The following ITGB3 variants were observed in gnomAD, a reference collection of about 807,000 sequenced individuals.
ITGB3 encodes integrin subunit beta 3, also known as integrin beta-3.
ITGB3 carries 48 observed loss-of-function variants against 85.8 expected under a neutral mutation model. That is an observed-to-expected ratio of 0.56 (90% confidence interval 0.44 to 0.71). The LOEUF (loss-of-function observed/expected upper bound fraction) is 0.71, where lower values mean the gene tolerates loss of function less well. Among genes scored for constraint, ITGB3 ranks in the 30% least tolerant of loss-of-function variants. The pLI, the probability that ITGB3 is intolerant of heterozygous loss-of-function variation, is 0.00. For synonymous variants in ITGB3, 363 were observed against 395.6 expected, an observed-to-expected ratio of 0.92 and a Z score of 0.98; for missense variants, 861 against 1,019.1, an observed-to-expected ratio of 0.84 and a Z score of 2.11.
intron 12 of ITGB3, 123 bp from the exon 13 acceptor site, chr17:47,302,598 T>A: frequency 8.6e-7 from 1 of 1,166,240 alleles, no homozygotes; most frequent in Non-Finnish European, 1.3e-6. Flanking sequence ...CTAGGCATCG[T>A]GCACATGAGG....
intron 14 of ITGB3, among the ~76,000 whole-genome samples, chr17:47,308,557 G>C (rs1170472157): frequency 6.6e-6 from 1 of 152,042 alleles, no homozygotes; most frequent in Admixed American, 6.5e-5. Flanking sequence ...ACCCAGGCTT[G>C]AGTGTAGCGA....
intron 10 of ITGB3, among the ~76,000 whole-genome samples, chr17:47,294,926 C>G (rs1333634907): frequency 6.6e-6 from 1 of 152,188 alleles, no homozygotes; most frequent in Non-Finnish European, 1.5e-5. Flanking sequence ...CTGGCCATCC[C>G]CGTTGTCCCC....
intron 10 of ITGB3, among the ~76,000 whole-genome samples, chr17:47,292,894 G>T (rs971288711): frequency 6.6e-6 from 1 of 152,202 alleles, no homozygotes; most frequent in Admixed American, 6.5e-5. Flanking sequence ...AGACATTGGA[G>T]TGTGCTTGAA....
At chr17:47,292,980 C>T (rs1198029962) in intron 10 of ITGB3, among the ~76,000 whole-genome samples, 2 of 152,146 alleles carry the variant, frequency 1.3e-5, no homozygotes, top group African/African-American at 4.8e-5. Context: ...ACTATTGGTG[C>T]TACTGTTATT....
chr17:47,310,097 T>C, intron 14 of ITGB3, 42 bp from the exon 15 acceptor site: 4 of 1,568,126 alleles, frequency 2.6e-6, no homozygotes, highest in Non-Finnish European at 3.5e-6. Flanking sequence ...AGGGAAGGAC[T>C]TAAGGAAGTC....
At chr17:47,264,349 TC>T (rs1473841084) in intron 1 of ITGB3, among the ~76,000 whole-genome samples, 1 of 152,202 alleles carries the variant, frequency 6.6e-6, no homozygotes, top group Non-Finnish European at 1.5e-5. Context: ...CCATGAGCCA[TC>T]CATCAGCAAG....
intron 5 of ITGB3, among the ~76,000 whole-genome samples, 170 bp from the exon 6 acceptor site, chr17:47,286,899 TG>T (rs1955128454): frequency 6.6e-6 from 1 of 152,214 alleles, no homozygotes. Context: ...ACTCCTGAAC[TG>T]GAAAGCTTCA....
intron 9 of ITGB3, chr17:47,291,403 C>G: frequency 1.8e-6 from 1 of 555,758 alleles, no homozygotes; most frequent in Non-Finnish European, 3.2e-6. Context: ...CCTTCAGTCC[C>G]TCACCAGTCG....
chr17:47,254,310 C>T (rs1326795111), intron 1 of ITGB3, among the ~76,000 whole-genome samples: 2 of 152,092 alleles, frequency 1.3e-5, no homozygotes, highest in Non-Finnish European at 2.9e-5. Flanking sequence ...GGCCCAGGAG[C>T]CAAGGCGAGG....
At chr17:47,268,196 T>C (rs2065032232) in intron 1 of ITGB3, among the ~76,000 whole-genome samples, 1 of 152,106 alleles carries the variant, frequency 6.6e-6, no homozygotes, top group Non-Finnish European at 1.5e-5. Context: ...TTGTGGGAAC[T>C]ACAATTCAAG....
chr17:47,296,863 A>T (rs1268241512), intron 10 of ITGB3, among the ~76,000 whole-genome samples: 1 of 152,174 alleles, frequency 6.6e-6, no homozygotes, highest in Non-Finnish European at 1.5e-5. Context: ...GGAGAAGGGG[A>T]GATGACTTAC....
chr17:47,265,497 A>C (rs1309799286), intron 1 of ITGB3, among the ~76,000 whole-genome samples: 1 of 152,102 alleles, frequency 6.6e-6, no homozygotes, highest in Non-Finnish European at 1.5e-5. Context: ...GTATCACTCC[A>C]ATCTCTGCCT....
chr17:47,287,074 A>G lies in ITGB3; in HGVS notation c.782A>G (p.Lys261Arg), dbSNP rs200636313. 12 of 1,613,870 alleles carry G rather than the reference A, an allele frequency of 7.4e-6. No individual in the cohort carries two copies. In the East Asian group the frequency reaches 8.9e-5, roughly 12 times the overall value. Residue 261 changes from lysine to arginine, a missense_variant, in exon 6 of 15, where the codon AAG becomes AGG. Coordinates refer to ENST00000559488, the MANE Select transcript of ITGB3 (RefSeq NM_000212.3). The stretch of plus-strand genomic sequence containing the variant: ...TTTTTTGTTTTCTTTTAACAGGAAA[A>G]GATTGGCTGGAGGAATGATGCATCC... ...AIMQATVCDE[K>R]IGWRNDASHL...
At chr17:47,260,897 G>A (rs896304827) in intron 1 of ITGB3, among the ~76,000 whole-genome samples, 3 of 151,812 alleles carry the variant, frequency 2.0e-5, no homozygotes, top group African/African-American at 7.3e-5. Flanking sequence ...TGAAATATGT[G>A]CGCATTGTGG....
intron 10 of ITGB3, among the ~76,000 whole-genome samples, chr17:47,297,155 C>G (rs1326876934): frequency 6.6e-6 from 1 of 152,144 alleles, no homozygotes; most frequent in Non-Finnish European, 1.5e-5. Flanking sequence ...GAGACATCTT[C>G]TGGAAAGACC....
rs1263503653 is a variant in ITGB3, at chr17:47,266,863, T to C, written c.80-7556T>C. Among the ~76,000 whole-genome samples, 3 of 152,118 alleles carry C rather than the reference T, an allele frequency of 2.0e-5. No homozygotes were observed. The East Asian group carries it at 5.8e-4, about 29-fold the overall frequency. On this transcript the variant is annotated intron_variant, in intron 1 of 14. Transcript: ENST00000559488. ...TCCGAGAATGCTGGGATTACAGGCA[T>C]GAGCCTGGATTTTCGAAGACTAATA...
chr17:47,290,100 G>A (rs1321997217), intron 7 of ITGB3, 85 bp from the exon 8 acceptor site: 7 of 965,134 alleles, frequency 7.3e-6, no homozygotes, highest in Non-Finnish European at 1.0e-5. Flanking sequence ...CTTCATCTCA[G>A]GACTCTCAGT....
chr17:47,292,570 TGAG>T lies in ITGB3; in HGVS notation c.1690+6_1690+8del, dbSNP rs1251728762. The T allele has an allele frequency of 3.8e-6, 6 of 1,599,850 alleles. No homozygotes were observed. The East Asian group carries it at 8.9e-5, about 24-fold the overall frequency. ...GCTACAAGGGGGAGATGTGCTCAGG[TGAG>T]GAGAACTGCAGGGCCCCCTGTCCTG... On this transcript the variant is annotated splice_donor_5th_base_variant and intron_variant, in intron 10 of 14. Transcript: ENST00000559488.
At chr17:47,285,778 C>T (rs1423405548) in intron 4 of ITGB3, among the ~76,000 whole-genome samples, 1 of 152,168 alleles carries the variant, frequency 6.6e-6, no homozygotes, top group Non-Finnish European at 1.5e-5. Context: ...ATTGATGGTT[C>T]AGGGACCTTA....
Sources: allele counts gnomAD v4.1 joint callset (sites outside exome capture counted in the v4.1 genomes callset), GRCh38; gene constraint gnomAD v4.1.1; transcripts MANE v1.5; gene names NCBI Gene and HGNC (gene_info 2026-07-23, HGNC 2026-07-21).